Variants in C4BPA observed in about 807,000 individuals in gnomAD.
The protein encoded by C4BPA is complement component 4 binding protein alpha, also known as C4b-binding protein alpha chain.
Under a neutral mutation model 63.7 loss-of-function variants are expected in C4BPA, and 31 were observed. That is an observed-to-expected ratio of 0.49 (90% CI 0.37 to 0.66). C4BPA has a LOEUF of 0.66. C4BPA is among the 30% of genes least tolerant of loss of function. C4BPA has a pLI of 0.00. For missense variants in C4BPA, 572 were observed against 723.3 expected (o/e 0.79, Z 2.40); for synonymous variants, 259 against 254.7 (o/e 1.02, Z -0.16).
rs1685233978 is a variant in C4BPA, at chr1:207,134,389, C to T, written c.1085-15C>T. 6.3e-7 allele frequency: 1 copy of T among 1,599,990 alleles called. No individual in the cohort carries two copies. Among genetic ancestry groups the T allele is most frequent in the Admixed American group, 1.7e-5 (1 of 58,642 alleles). On this transcript the variant is annotated splice_polypyrimidine_tract_variant and intron_variant, in intron 8 of 11. Coordinates refer to ENST00000367070, the MANE Select transcript of C4BPA (RefSeq NM_000715.4). ...GTGATTTTACTAACCATGCACCTCACATTTTATTTTTCAGCGTTATGTTGC... is the reference window on the plus strand; with the variant it reads ...GTGATTTTACTAACCATGCACCTCATATTTTATTTTTCAGCGTTATGTTGC...
chr1:207,125,635 C>G (rs1311747971), intron 6 of C4BPA, among the ~76,000 whole-genome samples: 1 of 152,112 alleles, frequency 6.6e-6, no homozygotes, highest in Non-Finnish European at 1.5e-5. Context: ...TGTGAGGACG[C>G]AGCAAGAAGG....
intron 11 of C4BPA, 95 bp from the exon 12 acceptor site, chr1:207,144,449 G>A: frequency 8.9e-7 from 1 of 1,127,982 alleles, no homozygotes; most frequent in Non-Finnish European, 1.2e-6. Context: ...GGTTGGTCTT[G>A]GTTCAATCCT....
chr1:207,109,514 TC>T (rs745948377), intron 1 of C4BPA, among the ~76,000 whole-genome samples: 2 of 152,330 alleles, frequency 1.3e-5, no homozygotes, highest in South Asian at 4.1e-4. Flanking sequence ...GAGTGTTTTG[TC>T]CATGGGACTC....
chr1:207,126,822 T>G lies in C4BPA; in HGVS notation c.816T>G (p.Val272=). The G allele has an allele frequency of 6.2e-7, 1 of 1,613,574 alleles. No individual in the cohort carries two copies. The highest frequency in any genetic ancestry group is 8.5e-7 in the Non-Finnish European group (1 of 1,179,672). Residue 272 remains valine (V), a synonymous_variant, in exon 7 of 12, where the codon GTT becomes GTG. Transcript: ENST00000367070. ...TIVFKCQKGF[V]LRGSSVIHCD... ...TGTTTAAGTGCCAAAAAGGTTTTGT[T>G]CTCAGAGGCAGCAGTGTAATTCATT...
chr1:207,119,638 C>T lies in C4BPA; in HGVS notation c.428+4123C>T, dbSNP rs532154520. On this transcript the variant is annotated intron_variant, in intron 4 of 11. Transcript: ENST00000367070. ...AAAGAGAATTCCCTTTGAGCTGAGT[C>T]ATATCTCCCCTTTGATATTCTATAA... is the stretch of plus-strand genomic sequence containing the variant. Among the ~76,000 whole-genome samples the T allele has an allele frequency of 6.5e-5, 6 of 92,964 alleles. 2 individuals carry two copies. The South Asian group carries it at 3.1e-3, about 48-fold the overall frequency. 61.0% of individuals were successfully genotyped at this position (92,964 alleles called of 152,430 possible).
intron 9 of C4BPA, among the ~76,000 whole-genome samples, chr1:207,135,362 T>C (rs1004747195): frequency 1.3e-5 from 2 of 151,188 alleles, no homozygotes; most frequent in Non-Finnish European, 2.9e-5. Flanking sequence ...AAGGCTCAAG[T>C]GTTAATGCAT....
chr1:207,114,941 A>G (rs1684751487), intron 3 of C4BPA, among the ~76,000 whole-genome samples: 1 of 152,226 alleles, frequency 6.6e-6, no homozygotes, highest in African/African-American at 2.4e-5. Flanking sequence ...GCAGTTTTCA[A>G]AAGAACCTCA....
chr1:207,112,339 C>T (rs1308201029), intron 1 of C4BPA, among the ~76,000 whole-genome samples: 1 of 148,432 alleles, frequency 6.7e-6, no homozygotes, highest in African/African-American at 2.5e-5. Context: ...CCATCATTTT[C>T]CTGCCTTTTT....
At chr1:207,111,992 C>T (rs930876041) in intron 1 of C4BPA, among the ~76,000 whole-genome samples, 1 of 151,796 alleles carries the variant, frequency 6.6e-6, no homozygotes, top group African/African-American at 2.4e-5. Context: ...ATAGAACTCC[C>T]CTTTGATTCC....
chr1:207,131,956 A>C (rs1373336216), intron 8 of C4BPA, among the ~76,000 whole-genome samples: 2 of 152,236 alleles, frequency 1.3e-5, no homozygotes, highest in Non-Finnish European at 2.9e-5. Flanking sequence ...GTTCAGAATC[A>C]AATGAGAAGT....
rs777186941 is a variant in C4BPA, at chr1:207,113,183, C to A, written c.142+16C>A. ...GCTGTTCTTGGTGAGTAGTGGGAAA[C>A]AAGCTCAAATCAGCAACAAACAATG... On this transcript the variant is annotated intron_variant, in intron 2 of 11. Transcript: ENST00000367070. The A allele has an allele frequency of 9.4e-6, 15 of 1,603,384 alleles. No homozygotes were observed. Among genetic ancestry groups the A allele is most frequent in the Non-Finnish European group, 1.1e-5 (13 of 1,176,590 alleles).
chr1:207,140,586 C>T (rs1359551793), intron 9 of C4BPA, among the ~76,000 whole-genome samples: 1 of 151,468 alleles, frequency 6.6e-6, no homozygotes, highest in African/African-American at 2.4e-5. Context: ...ACCATGTCCT[C>T]TTGACTATTT....
intron 4 of C4BPA, among the ~76,000 whole-genome samples, chr1:207,118,943 G>T (rs1044173157): frequency 8.5e-5 from 13 of 152,186 alleles, no homozygotes; most frequent in Non-Finnish European, 1.6e-4. Flanking sequence ...ACAGGAGGCT[G>T]TTCCTTCAAT....
Position 207,131,715 on chromosome 1 carries a change from A to T in C4BPA, c.1059A>T (p.Arg353Ser), listed in dbSNP as rs1341387288. 1 of 1,613,040 alleles carries T rather than the reference A, an allele frequency of 6.2e-7. No homozygotes were observed. The highest frequency in any genetic ancestry group is 2.2e-5 in the East Asian group (1 of 44,832). ...PTTVICQKNL[R>S]WTPYQGCEAL... ...CTGTGATTTGTCAGAAAAATTTGAG[A>T]TGGACCCCATACCAAGGATGTGAGG... The change falls in exon 8 of 12, where the codon AGA becomes AGT. Residue 353 changes from arginine to serine, a missense_variant. Around this residue, in one of 2 missense-constraint regions of C4BPA, gnomAD observed 465 missense variants for 629.4 expected, o/e 0.74. Coordinates refer to ENST00000367070, the MANE Select transcript of C4BPA (RefSeq NM_000715.4).
At chr1:207,118,206 A>G (rs1684847536) in intron 4 of C4BPA, among the ~76,000 whole-genome samples, 1 of 61,504 alleles carries the variant, frequency 1.6e-5, no homozygotes, top group Non-Finnish European at 3.4e-5. Flanking sequence ...CTATCTATCT[A>G]TCATCTGTCT....
chr1:207,118,194 A>ATCTG (rs758247883), intron 4 of C4BPA, among the ~76,000 whole-genome samples: 5,313 of 142,928 alleles, frequency 0.037, 172 homozygotes, highest in Non-Finnish European at 0.047. Flanking sequence ...TCTATCTATC[A>ATCTG]TCTATCTATC....
chr1:207,127,730 A>G (rs1246425301), intron 7 of C4BPA, among the ~76,000 whole-genome samples: 1 of 152,210 alleles, frequency 6.6e-6, no homozygotes, highest in Non-Finnish European at 1.5e-5. Flanking sequence ...AGGGATTACA[A>G]CAAACCGAGA....
chr1:207,116,528 G>C (rs904812741), intron 4 of C4BPA, among the ~76,000 whole-genome samples: 2 of 143,658 alleles, frequency 1.4e-5, no homozygotes, highest in South Asian at 4.3e-4. Flanking sequence ...GTGTGTGTGT[G>C]TGTGTGTGTG....
At position 207,124,377 on chromosome 1, in the gene C4BPA, A is replaced by G. The variant is rs79466538; in HGVS notation, c.706+11A>G. ...CTCCTACCTGTGAAAGTAAGTCATA[A>G]TGATGAATTCTGCATCAAAATGTTT... On this transcript the variant is annotated intron_variant, in intron 6 of 11. Coordinates refer to ENST00000367070, the MANE Select transcript of C4BPA (RefSeq NM_000715.4). 6.9e-4 allele frequency: 1,087 copies of G among 1,583,576 alleles called. 15 individuals carry two copies. In the East Asian group the frequency reaches 0.024, roughly 34 times the overall value.
Sources: allele counts gnomAD v4.1 joint callset (sites outside exome capture counted in the v4.1 genomes callset), GRCh38; gene constraint gnomAD v4.1.1; regional missense constraint gnomAD v4.1.1; transcripts MANE v1.5; gene names NCBI Gene and HGNC (gene_info 2026-07-23, HGNC 2026-07-21).